Variants in CACNA2D3 observed in about 807,000 individuals in gnomAD.
CACNA2D3 encodes the protein voltage-dependent calcium channel subunit alpha-2/delta-3.
Under a neutral mutation model 160.6 loss-of-function variants are expected in CACNA2D3, and 60 were observed. The observed-to-expected ratio is 0.37, with a 90% CI of 0.30 to 0.46. The LOEUF (loss-of-function observed/expected upper bound fraction) is 0.46. CACNA2D3 is among the 20% of genes least tolerant of loss of function. CACNA2D3 has a pLI of 1.00. For missense variants in CACNA2D3, 1,205 were observed against 1,365.0 expected (o/e 0.88, Z 1.85); for synonymous variants, 558 against 492.9 (o/e 1.13, Z -1.75).
At chr3:54,452,138 C>G (rs1482084814) in intron 4 of CACNA2D3, among the ~76,000 whole-genome samples, 1 of 152,164 alleles carries the variant, frequency 6.6e-6, no homozygotes, top group Non-Finnish European at 1.5e-5. Flanking sequence ...GACTGGGTAA[C>G]TTATCAAGGA....
intron 35 of CACNA2D3, among the ~76,000 whole-genome samples, chr3:55,037,730 T>C (rs1703859904): frequency 6.6e-6 from 1 of 152,234 alleles, no homozygotes; most frequent in African/African-American, 2.4e-5. Flanking sequence ...TTTTTATAAA[T>C]TGTCGTCTGT....
chr3:54,737,480 T>A (rs1701557538), intron 11 of CACNA2D3, among the ~76,000 whole-genome samples: 1 of 152,058 alleles, frequency 6.6e-6, no homozygotes, highest in Non-Finnish European at 1.5e-5. Flanking sequence ...GGAAAGAACT[T>A]CAGGTGTCAA....
At position 54,284,935 on chromosome 3, in the gene CACNA2D3, G is replaced by A. The variant is rs573415636; in HGVS notation, c.205-35507G>A. Among the ~76,000 whole-genome samples the A allele has an allele frequency of 4.1e-4, 63 of 152,302 alleles. 1 individual carries two copies. Among genetic ancestry groups the A allele is most frequent in the South Asian group, 8.3e-4 (4 of 4,830 alleles). On this transcript the variant is annotated intron_variant, in intron 2 of 37. Transcript: ENST00000474759. ...ATGTGGAAAAGTATGTCATAAAGGA[G>A]TATATAAATATATACCTACGAAGAT...
chr3:54,665,057 A>T (rs889487919), intron 11 of CACNA2D3, among the ~76,000 whole-genome samples: 1 of 152,226 alleles, frequency 6.6e-6, no homozygotes, highest in Admixed American at 6.5e-5. Context: ...CAATGGGGAC[A>T]TCTAATAATA....
chr3:54,340,057 G>A (rs143922038), intron 3 of CACNA2D3, among the ~76,000 whole-genome samples: 78 of 152,294 alleles, frequency 5.1e-4, no homozygotes, highest in Middle Eastern at 6.8e-3. Context: ...ACAAAGAAAC[G>A]TGACAGTACT....
intron 11 of CACNA2D3, among the ~76,000 whole-genome samples, chr3:54,709,947 G>A (rs899078798): frequency 1.3e-5 from 2 of 152,072 alleles, no homozygotes; most frequent in African/African-American, 4.8e-5. Context: ...AAAATCAGTC[G>A]CCTACCACCT....
intron 13 of CACNA2D3, among the ~76,000 whole-genome samples, chr3:54,802,967 T>G (rs1351178321): frequency 2.0e-5 from 3 of 152,168 alleles, no homozygotes; most frequent in African/African-American, 7.2e-5. Flanking sequence ...AGTGGACCTC[T>G]AGCAAACTTC....
At chr3:55,031,238 A>G (rs1454737217) in intron 35 of CACNA2D3, among the ~76,000 whole-genome samples, 1 of 152,116 alleles carries the variant, frequency 6.6e-6, no homozygotes, top group Non-Finnish European at 1.5e-5. Context: ...GACTCCCTCT[A>G]TCCCTACCTC....
At chr3:54,958,776 C>A (rs1362827868) in intron 27 of CACNA2D3, among the ~76,000 whole-genome samples, 2 of 151,720 alleles carry the variant, frequency 1.3e-5, no homozygotes, top group African/African-American at 4.8e-5. Flanking sequence ...TCTGTGTAAC[C>A]CCCAGCCTAG....
At chr3:54,938,788 A>G (rs905058537) in intron 27 of CACNA2D3, among the ~76,000 whole-genome samples, 1 of 152,206 alleles carries the variant, frequency 6.6e-6, no homozygotes, top group Non-Finnish European at 1.5e-5. Flanking sequence ...TGGTCTGTGC[A>G]TTTGCACAGG....
chr3:54,157,053 AGTT>A (rs1700257288), intron 2 of CACNA2D3, among the ~76,000 whole-genome samples: 1 of 152,358 alleles, frequency 6.6e-6, no homozygotes, highest in East Asian at 1.9e-4. Flanking sequence ...ATTCTCTCAC[AGTT>A]CTGGAGGCTG....
chr3:54,967,300 A>C (rs1162043995), intron 27 of CACNA2D3, among the ~76,000 whole-genome samples: 1 of 152,196 alleles, frequency 6.6e-6, no homozygotes, highest in Non-Finnish European at 1.5e-5. Flanking sequence ...TGAATCTCCA[A>C]GTTCCTGAAG....
At chr3:54,938,039 G>A (rs1324733831) in intron 27 of CACNA2D3, among the ~76,000 whole-genome samples, 4 of 152,218 alleles carry the variant, frequency 2.6e-5, no homozygotes, top group Non-Finnish European at 4.4e-5. Flanking sequence ...GATTTCACAA[G>A]CATTATGAAA....
At chr3:54,237,400 G>C (rs763387902) in intron 2 of CACNA2D3, among the ~76,000 whole-genome samples, 5 of 152,094 alleles carry the variant, frequency 3.3e-5, no homozygotes, top group Non-Finnish European at 7.3e-5. Context: ...ATCTACCTAG[G>C]GATGGCCCCG....
intron 35 of CACNA2D3, among the ~76,000 whole-genome samples, chr3:55,052,068 G>T (rs1009743183): frequency 6.6e-6 from 1 of 152,132 alleles, no homozygotes; most frequent in Non-Finnish European, 1.5e-5. Context: ...TGTCTTCTGC[G>T]TTGCTCACTC....
intron 2 of CACNA2D3, among the ~76,000 whole-genome samples, chr3:54,169,615 G>A (rs1241897891): frequency 6.6e-6 from 1 of 152,130 alleles, no homozygotes; most frequent in Non-Finnish European, 1.5e-5. Flanking sequence ...AAAGACAACA[G>A]AGAACAGTGA....
intron 35 of CACNA2D3, among the ~76,000 whole-genome samples, chr3:55,038,907 T>TATATATATATATATATATAC (rs1553636480): frequency 8.8e-6 from 1 of 113,066 alleles, no homozygotes; most frequent in African/African-American, 3.2e-5. Context: ...TATATATATA[T>TATATATATATATATATATAC]ACACACACTG....
At chr3:54,929,001 A>G (rs1471201858) in intron 27 of CACNA2D3, among the ~76,000 whole-genome samples, 2 of 152,142 alleles carry the variant, frequency 1.3e-5, no homozygotes, top group African/African-American at 2.4e-5. Context: ...CCTTCTAGAT[A>G]AAACAAAATG....
chr3:54,370,130 G>C (rs1698899272), intron 3 of CACNA2D3, among the ~76,000 whole-genome samples: 1 of 152,146 alleles, frequency 6.6e-6, no homozygotes, highest in South Asian at 2.1e-4. Flanking sequence ...TCAAAATGTT[G>C]TTGCAAATCT....
Sources: gnomAD v4.1 joint callset for allele counts (sites outside exome capture counted in the v4.1 genomes callset) on GRCh38, gnomAD v4.1.1 for gene constraint, MANE v1.5 for transcripts, NCBI Gene and HGNC (gene_info 2026-07-23, HGNC 2026-07-21) for gene names.